OLA1: variants seen among roughly 807,000 people sequenced by gnomAD.
The protein encoded by OLA1 is Obg like ATPase 1.
Under a neutral mutation model 48.4 loss-of-function variants are expected in OLA1, and 14 were observed. The observed-to-expected ratio is 0.29, with a 90% CI of 0.19 to 0.45. The LOEUF (loss-of-function observed/expected upper bound fraction) is 0.45, where lower values mean the gene tolerates loss of function less well. Among genes scored for constraint, OLA1 ranks in the 20% least tolerant of loss-of-function variants. OLA1 has a pLI of 1.00. For missense variants in OLA1, 325 were observed against 467.1 expected, an observed-to-expected ratio of 0.70 and a Z score of 2.80; for synonymous variants, 127 against 150.4, an observed-to-expected ratio of 0.84 and a Z score of 1.14.
At chr2:174,233,994 G>A (rs1190269338) in intron 2 of OLA1, among the ~76,000 whole-genome samples, 1 of 152,180 alleles carries the variant, frequency 6.6e-6, no homozygotes, top group South Asian at 2.1e-4. Context: ...AAGTGCATGT[G>A]TCCACTTATA....
rs1684621551 is a variant in OLA1 at position 174,072,540 on chromosome 2, AG to A, written c.*2885del. 1 of 152,370 alleles carries A rather than the reference AG, an allele frequency of 6.6e-6. No individual in the cohort carries two copies. Among genetic ancestry groups the A allele is most frequent in the Admixed American group, 6.5e-5 (1 of 15,306 alleles). The allele number at this position is 152,370 out of a possible 1,614,324, so 9.4% of individuals were successfully genotyped here. A position where few individuals can be genotyped will look rare whatever the true frequency, so the allele number is the denominator to read the frequency against. ...TTCCCAGCTAAAGTAGTTTGCCATT[AG>A]GAACAACCGACATTTCTCAAGTCTC... On this transcript the variant is annotated 3_prime_UTR_variant, in exon 11 of 11. Coordinates refer to ENST00000284719, the MANE Select transcript of OLA1 (RefSeq NM_013341.5).
At chr2:174,075,965 CA>C (rs1263293009) in intron 10 of OLA1, among the ~76,000 whole-genome samples, 1 of 152,064 alleles carries the variant, frequency 6.6e-6, no homozygotes, top group Non-Finnish European at 1.5e-5. Context: ...CTGGTGATGC[CA>C]AAAATATAGT....
At chr2:174,118,616 A>C (rs1349627103) in intron 7 of OLA1, among the ~76,000 whole-genome samples, 2 of 152,186 alleles carry the variant, frequency 1.3e-5, no homozygotes, top group African/African-American at 4.8e-5. Context: ...AGCTAGAAAA[A>C]ATTTTATATA....
intron 4 of OLA1, among the ~76,000 whole-genome samples, chr2:174,187,196 T>C (rs1268501353): frequency 6.6e-6 from 1 of 152,146 alleles, no homozygotes; most frequent in Non-Finnish European, 1.5e-5. Flanking sequence ...CACAAATCAA[T>C]GAAAAATACA....
intron 7 of OLA1, among the ~76,000 whole-genome samples, chr2:174,098,885 C>T (rs993752767): frequency 6.6e-6 from 1 of 152,172 alleles, no homozygotes; most frequent in African/African-American, 2.4e-5. Context: ...TTGTATTTAC[C>T]TGTGATGTGG....
At chr2:174,166,996 T>C (rs910627455) in intron 4 of OLA1, among the ~76,000 whole-genome samples, 2 of 152,148 alleles carry the variant, frequency 1.3e-5, no homozygotes, top group African/African-American at 4.8e-5. Context: ...ATAATTGTTA[T>C]GCAAGATAAA....
At chr2:174,206,469 T>C (rs1396083555) in intron 4 of OLA1, among the ~76,000 whole-genome samples, 1 of 152,164 alleles carries the variant, frequency 6.6e-6, no homozygotes, top group Non-Finnish European at 1.5e-5. Flanking sequence ...AATTTCAAGA[T>C]ACCAGAGTTT....
intron 2 of OLA1, among the ~76,000 whole-genome samples, chr2:174,233,712 G>A (rs1688785743): frequency 6.6e-6 from 1 of 152,094 alleles, no homozygotes; most frequent in South Asian, 2.1e-4. Context: ...TCTTTAAAAA[G>A]TATCAAACTC....
At chr2:174,214,789 C>T (rs1688323819) in intron 4 of OLA1, among the ~76,000 whole-genome samples, 1 of 152,258 alleles carries the variant, frequency 6.6e-6, no homozygotes, top group South Asian at 2.1e-4. Flanking sequence ...GTGGCTCATG[C>T]CTGTAATCCC....
chr2:174,163,518 G>T (rs371716890), intron 4 of OLA1, among the ~76,000 whole-genome samples: 1 of 151,012 alleles, frequency 6.6e-6, no homozygotes, highest in Non-Finnish European at 1.5e-5. Context: ...TGAAACCCCC[G>T]TCTCTACTAA....
At chr2:174,087,223 A>G (rs1247988478) in intron 7 of OLA1, among the ~76,000 whole-genome samples, 2 of 151,476 alleles carry the variant, frequency 1.3e-5, no homozygotes, top group Non-Finnish European at 2.9e-5. Context: ...ATGGGGTTTC[A>G]CCATGTTGGC....
rs1685493729 is a variant in OLA1 at position 174,105,494 on chromosome 2, C to T, written c.728+17686G>A. Among the ~76,000 whole-genome samples, 3 of 151,964 alleles carry T rather than the reference C, an allele frequency of 2.0e-5. No individual in the cohort carries two copies. The South Asian group carries it at 6.2e-4, about 31-fold the overall frequency. ...AACTAAAAACAGAATTAATGTATAA[C>T]ACCACCTCAAACAATTCTTCAATGT... On this transcript the variant is annotated intron_variant, in intron 7 of 10. Transcript: ENST00000284719.
chr2:174,100,672 A>T (rs999871063), intron 7 of OLA1, among the ~76,000 whole-genome samples: 1 of 152,162 alleles, frequency 6.6e-6, no homozygotes, highest in Admixed American at 6.6e-5. Flanking sequence ...TCCAGAAAAA[A>T]ATATTTTCTA....
intron 4 of OLA1, among the ~76,000 whole-genome samples, chr2:174,195,502 A>G (rs1196251267): frequency 6.6e-6 from 1 of 152,180 alleles, no homozygotes; most frequent in Non-Finnish European, 1.5e-5. Flanking sequence ...CTTATATACT[A>G]ATGTCCACTA....
At chr2:174,207,792 C>T (rs1038864163) in intron 4 of OLA1, among the ~76,000 whole-genome samples, 2 of 151,900 alleles carry the variant, frequency 1.3e-5, no homozygotes, top group Non-Finnish European at 2.9e-5. Context: ...AAATTATTGG[C>T]TAAAAAAACT....
At chr2:174,075,602 T>C (rs1684720073) in intron 10 of OLA1, 75 bp from the exon 11 acceptor site, 2 of 873,110 alleles carry the variant, frequency 2.3e-6, no homozygotes, top group Non-Finnish European at 3.8e-6. Context: ...TGGCAGCAGA[T>C]ATAAAAAGTA....
intron 4 of OLA1, among the ~76,000 whole-genome samples, chr2:174,181,680 C>T (rs937740705): frequency 2.0e-5 from 3 of 152,296 alleles, no homozygotes; most frequent in South Asian, 2.1e-4. Flanking sequence ...CTCAGCTTCA[C>T]GGCACTCGCA....
At chr2:174,230,182 TA>T (rs1688696485) in intron 2 of OLA1, among the ~76,000 whole-genome samples, 1 of 151,590 alleles carries the variant, frequency 6.6e-6, no homozygotes, top group Non-Finnish European at 1.5e-5. Flanking sequence ...ATTCATGTCT[TA>T]AAAAATGAAA....
At chr2:174,168,434 G>C (rs1687218435) in intron 4 of OLA1, among the ~76,000 whole-genome samples, 1 of 151,830 alleles carries the variant, frequency 6.6e-6, no homozygotes, top group Non-Finnish European at 1.5e-5. Context: ...AGAAAAACTG[G>C]AACCTAGAAT....
Sources: gnomAD v4.1 joint callset for allele counts (sites outside exome capture counted in the v4.1 genomes callset) on GRCh38, gnomAD v4.1.1 for gene constraint, MANE v1.5 for transcripts, NCBI Gene and HGNC (gene_info 2026-07-23, HGNC 2026-07-21) for gene names.